TNRC18: variants seen among roughly 807,000 people sequenced by gnomAD.
The protein encoded by TNRC18 is trinucleotide repeat containing 18, also known as trinucleotide repeat-containing gene 18 protein.
TNRC18 carries 69 observed loss-of-function variants against 226.7 expected under a neutral mutation model. The observed-to-expected ratio is 0.30, with a 90% CI of 0.25 to 0.37. TNRC18 has a LOEUF of 0.37. Among genes scored for constraint, TNRC18 ranks in the 10% least tolerant of loss-of-function variants. The pLI is 1.00. For synonymous variants in TNRC18, 2,449 were observed against 1,927.6 expected (o/e 1.27, Z -7.09); for missense variants, 4,754 against 4,256.6 (o/e 1.12, Z -3.25).
chr7:5,328,512 CTTT>C (rs144919082), intron 19 of TNRC18, among the ~76,000 whole-genome samples: 8 of 143,034 alleles, frequency 5.6e-5, no homozygotes, highest in Non-Finnish European at 9.2e-5. Flanking sequence ...CCGCCGCCGC[CTTT>C]TTTTTTTTTT....
chr7:5,333,419 G>A (rs1030171512), intron 18 of TNRC18, among the ~76,000 whole-genome samples: 2 of 152,232 alleles, frequency 1.3e-5, no homozygotes, highest in African/African-American at 2.4e-5. Context: ...CAGGCAGGCG[G>A]GGAAACCCGC....
chr7:5,393,667 A>G (rs992560754), intron 3 of TNRC18, among the ~76,000 whole-genome samples: 4 of 152,210 alleles, frequency 2.6e-5, no homozygotes, highest in African/African-American at 9.6e-5. Context: ...CCCAACATCC[A>G]GAACCTGTCA....
intron 16 of TNRC18, 121 bp downstream of exon 16, chr7:5,356,795 A>AGG: frequency 7.4e-7 from 1 of 1,352,864 alleles, no homozygotes; most frequent in Non-Finnish European, 9.8e-7. Context: ...AGTGCGCCCC[A>AGG]GAGAGAGAGC....
intron 2 of TNRC18, among the ~76,000 whole-genome samples, chr7:5,418,801 G>A (rs1192113335): frequency 1.3e-5 from 2 of 152,216 alleles, no homozygotes; most frequent in Non-Finnish European, 2.9e-5. Flanking sequence ...CTTGAGGAAT[G>A]TGTAATCCGG....
At chr7:5,319,732 C>G (rs183808688) in intron 24 of TNRC18, among the ~76,000 whole-genome samples, 21 of 152,324 alleles carry the variant, frequency 1.4e-4, no homozygotes, top group Non-Finnish European at 2.8e-4. Flanking sequence ...TGGTCTTGAA[C>G]TCCTGACCTC....
chr7:5,331,153 T>A (rs1443218750), intron 19 of TNRC18, among the ~76,000 whole-genome samples: 1 of 152,200 alleles, frequency 6.6e-6, no homozygotes, highest in African/African-American at 2.4e-5. Flanking sequence ...GACTCTCATC[T>A]TTTTTGTGAT....
At chr7:5,418,001 A>G (rs1427057618) in intron 2 of TNRC18, among the ~76,000 whole-genome samples, 4 of 152,062 alleles carry the variant, frequency 2.6e-5, no homozygotes, top group Admixed American at 2.0e-4. Context: ...CTCCAGTGTT[A>G]GCCAAGCCAG....
intron 21 of TNRC18, among the ~76,000 whole-genome samples, chr7:5,323,545 C>A (rs1034592690): frequency 2.0e-5 from 3 of 149,612 alleles, no homozygotes; most frequent in South Asian, 2.1e-4. Context: ...GGCCCCCACT[C>A]GTTCTCTGTG....
At chr7:5,397,292 C>T (rs1324739995) in intron 2 of TNRC18, among the ~76,000 whole-genome samples, 2 of 152,184 alleles carry the variant, frequency 1.3e-5, no homozygotes, top group Admixed American at 6.5e-5. Context: ...CCAGGGTTTG[C>T]GCAAGAGCTT....
intron 18 of TNRC18, 36 bp downstream of exon 18, chr7:5,345,526 A>ACAACCC: frequency 5.6e-6 from 1 of 177,498 alleles, no homozygotes; most frequent in Non-Finnish European, 1.1e-5. Flanking sequence ...CGCCCCTCCC[A>ACAACCC]CCCACCCCCA....
In TNRC18 at chr7:5,374,172, AGGCGGGCGGCGGGCTG is replaced by A; in HGVS notation, c.3096_3111del (p.Ser1033ProfsTer121). 3.1e-6 allele frequency: 1 copy of A among 319,270 alleles called. No individual in the cohort carries two copies. The highest frequency in any genetic ancestry group is 3.6e-6 in the Non-Finnish European group (1 of 275,914). The allele number at this position is 319,270 out of a possible 1,614,324, so 19.8% of individuals were successfully genotyped here. Reference sequence around the variant, plus strand: ...GTGATACCCGGGGTGGGCGGTGGGGAGGCGGGCGGCGGGCTGGTGGGGTGGGAGCTGGGGGTGGCGG... The same window carrying A: ...GTGATACCCGGGGTGGGCGGTGGGGAGTGGGGTGGGAGCTGGGGGTGGCGG... On this transcript the variant is annotated frameshift_variant, in exon 10 of 30. Coordinates refer to ENST00000430969, the MANE Select transcript of TNRC18 (RefSeq NM_001080495.3). LOFTEE classifies it high-confidence loss of function.
rs1792809388 is a variant in TNRC18, at chr7:5,359,507, CTCTT to C, written c.4720_4723del (p.Lys1574AspfsTer38). On this transcript the variant is annotated frameshift_variant, in exon 15 of 30. Transcript: ENST00000430969. LOFTEE classifies it high-confidence loss of function. ...ATGTTCCTCCTCAGACCCCTTGTGT[CTCTT>C]TCTTATCCCTGCTCCCAGCTCATAA... 1 of 1,614,030 alleles carries C rather than the reference CTCTT, an allele frequency of 6.2e-7. No homozygotes were observed. The highest frequency in any genetic ancestry group is 8.5e-7 in the Non-Finnish European group (1 of 1,179,894).
chr7:5,350,971 TG>T (rs1387640127), intron 17 of TNRC18, among the ~76,000 whole-genome samples: 4 of 152,134 alleles, frequency 2.6e-5, no homozygotes, highest in Non-Finnish European at 5.9e-5. Context: ...AGAAGACAAG[TG>T]TTTGTAAATA....
At chr7:5,398,372 G>A (rs1212698626) in intron 2 of TNRC18, among the ~76,000 whole-genome samples, 8 of 152,146 alleles carry the variant, frequency 5.3e-5, no homozygotes, top group African/African-American at 1.9e-4. Context: ...GTTTCTCAAT[G>A]TTGGTCAGGC....
intron 2 of TNRC18, among the ~76,000 whole-genome samples, chr7:5,414,741 C>CAAGG (rs1782067218): frequency 6.6e-6 from 1 of 152,160 alleles, no homozygotes; most frequent in Admixed American, 6.6e-5. Flanking sequence ...TTCCTAAGAA[C>CAAGG]AAGGACATTC....
intron 11 of TNRC18, among the ~76,000 whole-genome samples, chr7:5,367,841 AG>A (rs956132669): frequency 1.3e-5 from 2 of 151,386 alleles, no homozygotes; most frequent in African/African-American, 4.9e-5. Flanking sequence ...CCCAGTGGGG[AG>A]GGGGGCGTTG....
rs1353041990 is a variant in TNRC18, at chr7:5,361,898, C to T, written c.4531G>A (p.Glu1511Lys). The change falls in exon 13 of 30, where the codon GAG (glutamate) becomes AAG (lysine). Residue 1511 changes from glutamate to lysine, a missense_variant and splice_region_variant. Coordinates refer to ENST00000430969, the MANE Select transcript of TNRC18 (RefSeq NM_001080495.3). ...LVKLQRRRDS[E>K]DRREEPHRSL... ...GGGGCGGGCGGGGGACACACTCACT[C>T]GGAGTCCCGGCGGCGCTGCAGCTTC... The T allele has an allele frequency of 5.1e-6, 8 of 1,557,850 alleles. No homozygotes were observed. Among genetic ancestry groups the T allele is most frequent in the Non-Finnish European group, 6.1e-6 (7 of 1,153,186 alleles).
rs986895021 is a variant in TNRC18 at position 5,367,252 on chromosome 7, C to A, written c.4219+3123G>T. ...TGGTAGCATGTGCCTGTAATCCCAG[C>A]TACTTGGGAAGCTGAGGCAGGAGAA... On this transcript the variant is annotated intron_variant, in intron 11 of 29. Transcript: ENST00000430969. Among the ~76,000 whole-genome samples the A allele has an allele frequency of 7.2e-5, 11 of 152,018 alleles. No individual in the cohort carries two copies. The East Asian group carries it at 2.0e-3, about 27-fold the overall frequency.
At chr7:5,361,139 G>A (rs1469282658) in intron 14 of TNRC18, among the ~76,000 whole-genome samples, 1 of 152,212 alleles carries the variant, frequency 6.6e-6, no homozygotes, top group Non-Finnish European at 1.5e-5. Context: ...AGGAGGAGAA[G>A]CTTGTCCCCA....
Sources: gnomAD v4.1 joint callset for allele counts (sites outside exome capture counted in the v4.1 genomes callset) on GRCh38, gnomAD v4.1.1 for gene constraint, MANE v1.5 for transcripts, NCBI Gene and HGNC (gene_info 2026-07-23, HGNC 2026-07-21) for gene names.